MASP1: variants seen among roughly 807,000 people sequenced by gnomAD.
MASP1 encodes the protein MBL associated serine protease 1.
Under a neutral mutation model 77.1 loss-of-function variants are expected in MASP1, and 59 were observed. The observed-to-expected ratio is 0.77, with a 90% CI of 0.62 to 0.95. The LOEUF (loss-of-function observed/expected upper bound fraction) is 0.95, where lower values mean the gene tolerates loss of function less well. MASP1 is among the 40% of genes least tolerant of loss of function. The pLI, the probability that MASP1 is intolerant of heterozygous loss-of-function variation, is 0.00. For missense variants in MASP1, 885 were observed against 912.9 expected, an observed-to-expected ratio of 0.97 and a Z score of 0.39; for synonymous variants, 362 against 354.5, an observed-to-expected ratio of 1.02 and a Z score of -0.24.
rs527527536 is a variant in MASP1 at position 187,236,290 on chromosome 3, G to A, written c.1581C>T (p.Asp527=). 5.0e-6 allele frequency: 8 copies of A among 1,614,142 alleles called. No individual in the cohort carries two copies. In the African/African-American group the frequency reaches 8.0e-5, roughly 16 times the overall value. ...TVYLGLHDVR[D]KSGAVNSSAA... ...CTGAGCTGTTGACTGCCCCCGATTT[G>A]TCTCGCACATCATGCAAGCCCAGGT... Residue 527 remains aspartate (D), a synonymous_variant, in exon 11 of 11, where the codon GAC becomes GAT. Coordinates refer to ENST00000296280, the MANE Select transcript of MASP1 (RefSeq NM_139125.4).
chr3:187,221,165 C>G, intron 14 of MASP1: 1 of 1,560,262 alleles, frequency 6.4e-7, no homozygotes, highest in Non-Finnish European at 8.8e-7. Flanking sequence ...TGGTCCTCAT[C>G]CCCGGCTGAG....
intron 2 of MASP1, among the ~76,000 whole-genome samples, chr3:187,270,503 C>T (rs1425644991): frequency 6.6e-6 from 1 of 152,182 alleles, no homozygotes; most frequent in East Asian, 1.9e-4. Context: ...ATTTAACATC[C>T]ACTGACCACC....
At chr3:187,282,043 C>T (rs982470665) in intron 2 of MASP1, among the ~76,000 whole-genome samples, 1 of 152,110 alleles carries the variant, frequency 6.6e-6, no homozygotes, top group Non-Finnish European at 1.5e-5. Flanking sequence ...TGAACTCTGA[C>T]CTCCTCTTCT....
Position 187,263,127 on chromosome 3 carries a change from T to G in MASP1, c.238-407A>C, listed in dbSNP as rs566012816. 1.9e-4 allele frequency: 47 copies of G among 250,974 alleles called. No individual in the cohort carries two copies. In the Admixed American group the frequency reaches 2.2e-3, roughly 12 times the overall value. 15.5% of individuals were successfully genotyped at this position (250,974 alleles called of 1,614,324 possible). ...AGTCATTCATTGAGTATCCAGTGTG[T>G]GCCTACTGCCGAGCAAAGCATGAGA... On this transcript the variant is annotated intron_variant, in intron 2 of 10. Coordinates refer to ENST00000296280, the MANE Select transcript of MASP1 (RefSeq NM_139125.4).
intron 2 of MASP1, among the ~76,000 whole-genome samples, chr3:187,284,095 A>G (rs1717654700): frequency 6.6e-6 from 1 of 152,156 alleles, no homozygotes; most frequent in Non-Finnish European, 1.5e-5. Flanking sequence ...TAGATTACCA[A>G]TCCGCGTTGT....
intron 1 of MASP1, among the ~76,000 whole-genome samples, chr3:187,286,518 CA>C (rs1282950414): frequency 2.0e-5 from 3 of 152,270 alleles, no homozygotes; most frequent in African/African-American, 4.8e-5. Flanking sequence ...TATTTCACCA[CA>C]AACTCAGTCA....
At chr3:187,254,523 A>G (rs943598938) in intron 5 of MASP1, among the ~76,000 whole-genome samples, 2 of 152,200 alleles carry the variant, frequency 1.3e-5, no homozygotes, top group South Asian at 4.1e-4. Context: ...ATGAGGTTGG[A>G]AAACAGACAA....
intron 9 of MASP1, 136 bp from the exon 10 acceptor site, chr3:187,241,691 C>T (rs1579493635): frequency 1.3e-5 from 9 of 681,360 alleles, no homozygotes; most frequent in East Asian, 1.1e-4. Flanking sequence ...GGCTCAGATA[C>T]GATTGTCTCT....
intron 1 of MASP1, among the ~76,000 whole-genome samples, chr3:187,290,879 A>C (rs1252741872): frequency 6.6e-6 from 1 of 152,060 alleles, no homozygotes; most frequent in East Asian, 1.9e-4. Flanking sequence ...CTTGTATGAA[A>C]GGTCTGGTAA....
At chr3:187,219,591 G>C (rs535950737) in exon 16 of MASP1, 3 of 187,160 alleles carry the variant, frequency 1.6e-5, no homozygotes, top group African/African-American at 7.0e-5. Flanking sequence ...GGGGAGAGGT[G>C]TGTCACTGAT....
At chr3:187,222,873 A>G (rs1013775253) in intron 14 of MASP1, among the ~76,000 whole-genome samples, 1 of 152,134 alleles carries the variant, frequency 6.6e-6, no homozygotes, top group Non-Finnish European at 1.5e-5. Flanking sequence ...GAATTTTCAT[A>G]AGCTAAGCCT....
chr3:187,261,969 C>T (rs138751704), intron 3 of MASP1, among the ~76,000 whole-genome samples: 87 of 152,202 alleles, frequency 5.7e-4, no homozygotes, highest in Admixed American at 2.8e-3. Context: ...GAATCCTCAC[C>T]CCCAAAATGT....
At chr3:187,254,853 A>T (rs1579523383) in intron 5 of MASP1, among the ~76,000 whole-genome samples, 1 of 151,622 alleles carries the variant, frequency 6.6e-6, no homozygotes, top group African/African-American at 2.4e-5. Flanking sequence ...GAGGGCCATG[A>T]CTCCTTATCT....
intron 11 of MASP1, chr3:187,226,599 G>C (rs536892076): frequency 6.9e-5 from 69 of 1,003,310 alleles, no homozygotes; most frequent in Non-Finnish European, 9.9e-5. Context: ...GGATCTTCAG[G>C]CTACTCCAGA....
Position 187,225,311 on chromosome 3 carries a change from T to G in MASP1, c.1741+13A>C, listed in dbSNP as rs760252530. ...ACCAGCTGCCCTGCAGAGGTGGAGG[T>G]AGGGGAAAGTACCTTCCTGCTGGGG... On this transcript the variant is annotated intron_variant, in intron 13 of 15. Transcript: ENST00000337774. 3 of 1,612,212 alleles carry G rather than the reference T, an allele frequency of 1.9e-6. No homozygotes were observed. In the East Asian group the frequency reaches 6.7e-5, roughly 36 times the overall value.
chr3:187,229,906 AAGGG>A (rs751055287), downstream of MASP1: 2 of 1,614,036 alleles, frequency 1.2e-6, no homozygotes, highest in Admixed American at 3.3e-5. Context: ...CACTGCATCC[AAGGG>A]AGGGAGGGAG....
chr3:187,250,206 C>CA lies in MASP1; in HGVS notation c.1090+44_1090+45insT, dbSNP rs758719420. On this transcript the variant is annotated intron_variant, in intron 8 of 10. Coordinates refer to ENST00000296280, the MANE Select transcript of MASP1 (RefSeq NM_139125.4). ...ATGCTCTGCTCGGATCCCGCCAGTGCTGGGGAGCTCAGTATCTTTATAACA... is the reference window on the plus strand; with the variant it reads ...ATGCTCTGCTCGGATCCCGCCAGTGCATGGGGAGCTCAGTATCTTTATAACA... 7.3e-6 allele frequency: 11 copies of CA among 1,505,226 alleles called. No homozygotes were observed. In the East Asian group the frequency reaches 2.5e-4, roughly 34 times the overall value. The allele number at this position is 1,505,226 out of a possible 1,614,324, so 93.2% of individuals were successfully genotyped here. A position where few individuals can be genotyped will look rare whatever the true frequency, so the allele number is the denominator to read the frequency against.
rs192126327 is a variant in MASP1 at position 187,272,320 on chromosome 3, G to A, written c.238-9600C>T. Among the ~76,000 whole-genome samples, 478 of 152,276 alleles carry A rather than the reference G, an allele frequency of 3.1e-3. 1 individual carries two copies. The highest frequency in any genetic ancestry group is 7.8e-3 in the Admixed American group (119 of 15,308). The stretch of plus-strand genomic sequence containing the variant: ...GTTTTCTGTTTCTTTAGGATGCAAC[G>A]CCTTACTTATTGGGGCATCTCATTT... On this transcript the variant is annotated intron_variant, in intron 2 of 10. Transcript: ENST00000296280.
chr3:187,235,355 G>A lies in MASP1; in HGVS notation c.*329C>T, dbSNP rs1713058061. On this transcript the variant is annotated 3_prime_UTR_variant, in exon 11 of 11. Transcript: ENST00000296280. ...GATAAGTGGTCAGGAGTGAATAAAG[G>A]CCACTGGGGTAAGAAGCATGGCCTG... is the stretch of plus-strand genomic sequence containing the variant. 2 of 1,401,652 alleles carry A rather than the reference G, an allele frequency of 1.4e-6. No homozygotes were observed. The highest frequency in any genetic ancestry group is 1.9e-6 in the Non-Finnish European group (2 of 1,062,698). 86.8% of individuals were successfully genotyped at this position (1,401,652 alleles called of 1,614,324 possible).
Sources: allele counts gnomAD v4.1 joint callset (sites outside exome capture counted in the v4.1 genomes callset), GRCh38; gene constraint gnomAD v4.1.1; transcripts MANE v1.5; gene names NCBI Gene and HGNC (gene_info 2026-07-23, HGNC 2026-07-21).